Variants in CDKAL1 observed in about 807,000 individuals in gnomAD.
CDKAL1 encodes the protein threonylcarbamoyladenosine tRNA methylthiotransferase.
Under a neutral mutation model 68.2 loss-of-function variants are expected in CDKAL1, and 32 were observed. The ratio of observed to expected loss-of-function variants is 0.47; its 90% CI spans 0.35 to 0.63. CDKAL1 has a LOEUF of 0.63. Ranked by LOEUF, CDKAL1 falls within the 30% of genes least tolerant of loss-of-function variation. CDKAL1 has a pLI of 0.00. For synonymous variants in CDKAL1, 234 were observed against 244.3 expected (o/e 0.96, Z 0.39); for missense variants, 606 against 696.7 (o/e 0.87, Z 1.47).
intron 8 of CDKAL1, among the ~76,000 whole-genome samples, chr6:20,801,103 T>C (rs1776347651): frequency 6.6e-6 from 1 of 152,050 alleles, no homozygotes; most frequent in African/African-American, 2.4e-5. Flanking sequence ...ATTTTTATTT[T>C]TGTCAAGACA....
intron 13 of CDKAL1, chr6:21,135,569 C>T (rs763412356): frequency 2.3e-6 from 1 of 439,662 alleles, no homozygotes; most frequent in Non-Finnish European, 3.0e-6. Flanking sequence ...AGGTTAAAAA[C>T]TACTTTTCCC....
chr6:21,201,362 T>C (rs1582406953), intron 15 of CDKAL1, 88 bp downstream of exon 15: 1 of 1,180,218 alleles, frequency 8.5e-7, no homozygotes, highest in East Asian at 2.4e-5. Context: ...TCTGTTATCA[T>C]TTATAGTTCC....
chr6:21,071,617 C>T (rs2150943443), intron 12 of CDKAL1, among the ~76,000 whole-genome samples: 1 of 152,106 alleles, frequency 6.6e-6, no homozygotes, highest in Non-Finnish European at 1.5e-5. Context: ...TGATTCTGGT[C>T]GTTTGTCTTT....
At chr6:20,786,893 A>G (rs1775701176) in intron 8 of CDKAL1, among the ~76,000 whole-genome samples, 1 of 152,136 alleles carries the variant, frequency 6.6e-6, no homozygotes, top group African/African-American at 2.4e-5. Flanking sequence ...TGTGGCATAA[A>G]GGACATCTGT....
chr6:20,839,996 A>G (rs1447138297), intron 8 of CDKAL1, among the ~76,000 whole-genome samples: 1 of 152,228 alleles, frequency 6.6e-6, no homozygotes, highest in Non-Finnish European at 1.5e-5. Context: ...CATGCAACTA[A>G]TCATGTATTC....
chr6:20,757,416 G>C (rs1774266712), intron 6 of CDKAL1, among the ~76,000 whole-genome samples: 1 of 152,106 alleles, frequency 6.6e-6, no homozygotes, highest in South Asian at 2.1e-4. Flanking sequence ...CCTATAGACT[G>C]ACAATATATA....
chr6:21,121,626 T>C (rs1046932723), intron 13 of CDKAL1, among the ~76,000 whole-genome samples: 1 of 152,240 alleles, frequency 6.6e-6, no homozygotes, highest in East Asian at 1.9e-4. Context: ...TAAATGACTA[T>C]TCTTGCAGTA....
At chr6:20,710,316 T>C (rs892252367) in intron 5 of CDKAL1, among the ~76,000 whole-genome samples, 5 of 152,186 alleles carry the variant, frequency 3.3e-5, no homozygotes, top group African/African-American at 1.2e-4. Flanking sequence ...CATACACATC[T>C]AGCTATGTTT....
intron 5 of CDKAL1, among the ~76,000 whole-genome samples, chr6:20,729,994 G>T (rs754967484): frequency 6.6e-6 from 1 of 152,092 alleles, no homozygotes; most frequent in East Asian, 1.9e-4. Flanking sequence ...GGAAGGAGGT[G>T]GTTGGAGACA....
At chr6:20,866,073 C>T (rs1235480135) in intron 9 of CDKAL1, among the ~76,000 whole-genome samples, 1 of 151,906 alleles carries the variant, frequency 6.6e-6, no homozygotes, top group Non-Finnish European at 1.5e-5. Flanking sequence ...AACCAGTGCC[C>T]CAAAGAAAGA....
At chr6:20,936,018 G>A (rs1389286412) in intron 9 of CDKAL1, among the ~76,000 whole-genome samples, 2 of 152,058 alleles carry the variant, frequency 1.3e-5, no homozygotes, top group Non-Finnish European at 2.9e-5. Flanking sequence ...TTGTATTAGT[G>A]TAGATATATA....
At chr6:20,606,049 G>C (rs1345336891) in intron 4 of CDKAL1, among the ~76,000 whole-genome samples, 1 of 152,078 alleles carries the variant, frequency 6.6e-6, no homozygotes, top group Non-Finnish European at 1.5e-5. Context: ...CAGTAAGCTG[G>C]GGCAATTGTA....
chr6:20,797,647 C>T (rs571870670), intron 8 of CDKAL1, among the ~76,000 whole-genome samples: 1 of 151,762 alleles, frequency 6.6e-6, no homozygotes, highest in Non-Finnish European at 1.5e-5. Context: ...TTGAATACCA[C>T]CAAACAAAAA....
intron 11 of CDKAL1, among the ~76,000 whole-genome samples, chr6:21,035,378 C>T (rs973888740): frequency 1.3e-5 from 2 of 152,070 alleles, no homozygotes; most frequent in Admixed American, 6.6e-5. Context: ...ATCTCCTACA[C>T]ACTTTTTACT....
intron 8 of CDKAL1, among the ~76,000 whole-genome samples, chr6:20,837,593 T>C (rs1041626235): frequency 6.6e-6 from 1 of 152,144 alleles, no homozygotes; most frequent in African/African-American, 2.4e-5. Flanking sequence ...AGGTAAGTCT[T>C]TGCTAGAGAC....
rs148678519 is a variant in CDKAL1, at chr6:21,132,289, G to A, written c.1299+23826G>A. Among the ~76,000 whole-genome samples the A allele has an allele frequency of 3.2e-3, 493 of 152,180 alleles. 2 individuals are homozygous for A. Among genetic ancestry groups the A allele is most frequent in the African/African-American group, 0.01 (433 of 41,524 alleles). On this transcript the variant is annotated intron_variant, in intron 13 of 15. Transcript: ENST00000274695. ...TATAAGTAAATCATGGTGTACACGC[G>A]CAGTAGATTAATACCCAGCTGATAA...
chr6:20,699,370 T>G (rs1771244643), intron 5 of CDKAL1, among the ~76,000 whole-genome samples: 1 of 151,380 alleles, frequency 6.6e-6, no homozygotes, highest in South Asian at 2.1e-4. Context: ...ATCATCTTTT[T>G]TAGTTACAAG....
chr6:20,930,024 G>GT (rs1340945402), intron 9 of CDKAL1, among the ~76,000 whole-genome samples: 1 of 151,986 alleles, frequency 6.6e-6, no homozygotes, highest in Non-Finnish European at 1.5e-5. Context: ...TCTTTATCAA[G>GT]TTTATCTGGA....
chr6:20,867,550 C>T (rs1034456911), intron 9 of CDKAL1, among the ~76,000 whole-genome samples: 7 of 151,816 alleles, frequency 4.6e-5, no homozygotes, highest in East Asian at 1.9e-4. Flanking sequence ...AGATTTCAGA[C>T]GACTGTCAGA....
Sources: gnomAD v4.1 joint callset for allele counts (sites outside exome capture counted in the v4.1 genomes callset) on GRCh38, gnomAD v4.1.1 for gene constraint, MANE v1.5 for transcripts, NCBI Gene and HGNC (gene_info 2026-07-23, HGNC 2026-07-21) for gene names.